Variants in TUFT1 observed in about 807,000 individuals in gnomAD.
TUFT1 encodes the protein tuftelin.
TUFT1 carries 43 observed loss-of-function variants against 57.8 expected under a neutral mutation model. The observed-to-expected ratio is 0.74, with a 90% CI of 0.58 to 0.96. The LOEUF (loss-of-function observed/expected upper bound fraction) is 0.96. TUFT1 is among the 40% of genes least tolerant of loss of function. TUFT1 has a pLI of 0.00. For missense variants in TUFT1, 459 were observed against 489.0 expected (o/e 0.94, Z 0.58); for synonymous variants, 166 against 176.7 (o/e 0.94, Z 0.48).
chr1:151,573,107 ATTATT>A (rs201151431), intron 7 of TUFT1, among the ~76,000 whole-genome samples: 1,901 of 152,282 alleles, frequency 0.012, 50 homozygotes, highest in African/African-American at 0.043. Flanking sequence ...AGTTCCACTC[ATTATT>A]TTATTGAGTA....
rs1022373811 is a variant in TUFT1 at position 151,557,579 on chromosome 1, T to C, written c.61-4512T>C. ...AAGGATGTGCCCAATCTTCATGTCATGAAGGCCATGCAGCCTCTCAAGTCC... is the reference window on the plus strand; with the variant it reads ...AAGGATGTGCCCAATCTTCATGTCACGAAGGCCATGCAGCCTCTCAAGTCC... On this transcript the variant is annotated intron_variant, in intron 1 of 12. Coordinates refer to ENST00000368849, the MANE Select transcript of TUFT1 (RefSeq NM_020127.3). The C allele has an allele frequency of 3.4e-5, 38 of 1,112,854 alleles. No individual in the cohort carries two copies. In the South Asian group the frequency reaches 4.0e-4, roughly 12 times the overall value. The allele number at this position is 1,112,854 out of a possible 1,614,324, so 68.9% of individuals were successfully genotyped here.
At chr1:151,561,293 C>T (rs959092090) in intron 1 of TUFT1, among the ~76,000 whole-genome samples, 3 of 151,984 alleles carry the variant, frequency 2.0e-5, no homozygotes, top group Non-Finnish European at 2.9e-5. Flanking sequence ...CCACCGTGCC[C>T]GGCCTTTTTA....
At chr1:151,553,770 A>G (rs1665585388) in intron 1 of TUFT1, among the ~76,000 whole-genome samples, 1 of 152,026 alleles carries the variant, frequency 6.6e-6, no homozygotes, top group Non-Finnish European at 1.5e-5. Context: ...CAATCCCAGC[A>G]TCAGTGTCTC....
intron 9 of TUFT1, among the ~76,000 whole-genome samples, chr1:151,576,892 T>G (rs969722585): frequency 6.6e-6 from 1 of 152,214 alleles, no homozygotes; most frequent in Admixed American, 6.5e-5. Flanking sequence ...CCCAAAGTGC[T>G]GGGATTACAG....
chr1:151,567,292 T>G (rs554131532), intron 6 of TUFT1, among the ~76,000 whole-genome samples: 189 of 152,262 alleles, frequency 1.2e-3, no homozygotes, highest in African/African-American at 4.5e-3. Context: ...TGGCTCATTA[T>G]ATTCTCAACC....
intron 8 of TUFT1, among the ~76,000 whole-genome samples, 184 bp from the exon 9 acceptor site, chr1:151,574,727 A>G (rs1168656057): frequency 6.6e-6 from 1 of 152,154 alleles, no homozygotes; most frequent in Non-Finnish European, 1.5e-5. Flanking sequence ...GGTGAGGCTG[A>G]GTGAGAGTGG....
At chr1:151,557,824 A>AG in intron 1 of TUFT1, 1 of 752,938 alleles carries the variant, frequency 1.3e-6, no homozygotes, top group South Asian at 1.3e-5. Context: ...GATAACCTAC[A>AG]GACGGAGTGC....
At chr1:151,577,637 A>G (rs546531036) in intron 9 of TUFT1, among the ~76,000 whole-genome samples, 191 of 152,300 alleles carry the variant, frequency 1.3e-3, no homozygotes, top group African/African-American at 4.5e-3. Flanking sequence ...GGAGACCTAG[A>G]AACAAAATTG....
intron 1 of TUFT1, among the ~76,000 whole-genome samples, chr1:151,544,270 T>G (rs1202892896): frequency 6.6e-6 from 1 of 151,962 alleles, no homozygotes; most frequent in Non-Finnish European, 1.5e-5. Flanking sequence ...TGTGCACCAC[T>G]GCACCTGGCC....
rs779223338 is a variant in TUFT1, at chr1:151,562,090, G to C, written c.61-1G>C. 6.2e-7 allele frequency: 1 copy of C among 1,613,998 alleles called. No individual in the cohort carries two copies. The highest frequency in any genetic ancestry group is 1.1e-5 in the South Asian group (1 of 91,070). ...ATTGTTGCTGTCATTGTCATTATTA[G>C]GGCAGCGTGGACATTCTCAGGCTGA... On this transcript the variant is annotated splice_acceptor_variant, in intron 1 of 12. Coordinates refer to ENST00000368849, the MANE Select transcript of TUFT1 (RefSeq NM_020127.3). LOFTEE classifies it high-confidence loss of function.
intron 1 of TUFT1, among the ~76,000 whole-genome samples, chr1:151,548,852 G>T (rs777723323): frequency 1.7e-4 from 26 of 152,192 alleles, no homozygotes; most frequent in Non-Finnish European, 3.1e-4. Context: ...CCTGGGGAGT[G>T]AGAGCTGGGG....
chr1:151,541,213 A>AG (rs1030663867), intron 1 of TUFT1, among the ~76,000 whole-genome samples: 53 of 152,274 alleles, frequency 3.5e-4, no homozygotes, highest in African/African-American at 1.3e-3. Context: ...AGGGGAGGGA[A>AG]GTGACCCAAG....
chr1:151,579,582 G>A, intron 10 of TUFT1, 67 bp from the exon 11 acceptor site: 2 of 1,543,926 alleles, frequency 1.3e-6, no homozygotes, highest in Admixed American at 3.5e-5. Context: ...AGCAGCTGGG[G>A]TGAAGTCTGG....
chr1:151,580,432 G>A (rs982463856), intron 11 of TUFT1, among the ~76,000 whole-genome samples: 7 of 152,010 alleles, frequency 4.6e-5, no homozygotes, highest in Non-Finnish European at 1.0e-4. Context: ...AGGTTGAGGC[G>A]GTAGGATTGC....
intron 12 of TUFT1, 97 bp downstream of exon 12, chr1:151,581,139 T>G: frequency 8.8e-7 from 1 of 1,138,702 alleles, no homozygotes; most frequent in Non-Finnish European, 1.3e-6. Context: ...AGAACAAGGC[T>G]CCTTTAAATC....
intron 1 of TUFT1, among the ~76,000 whole-genome samples, chr1:151,556,791 G>A (rs1665712797): frequency 6.6e-6 from 1 of 152,108 alleles, no homozygotes; most frequent in Admixed American, 6.5e-5. Flanking sequence ...CCAACATGGT[G>A]AAGCCCCCTC....
intron 1 of TUFT1, among the ~76,000 whole-genome samples, chr1:151,548,257 T>C (rs570476894): frequency 3.9e-4 from 60 of 152,218 alleles, no homozygotes; most frequent in Non-Finnish European, 6.2e-4. Context: ...TGGGTGCCAT[T>C]GTTACAAGGG....
intron 5 of TUFT1, chr1:151,565,889 C>G (rs111505287): frequency 8.8e-6 from 3 of 340,390 alleles, no homozygotes; most frequent in African/African-American, 2.1e-5. Flanking sequence ...CTTTCAAGGC[C>G]GCATAACATC....
intron 1 of TUFT1, among the ~76,000 whole-genome samples, chr1:151,555,295 T>A (rs1363548851): frequency 1.3e-5 from 2 of 149,300 alleles, no homozygotes; most frequent in Non-Finnish European, 3.0e-5. Flanking sequence ...TGCCATTGCA[T>A]TCCAGCCTGG....
Sources: gnomAD v4.1 joint callset for allele counts (sites outside exome capture counted in the v4.1 genomes callset) on GRCh38, gnomAD v4.1.1 for gene constraint, MANE v1.5 for transcripts, NCBI Gene and HGNC (gene_info 2026-07-23, HGNC 2026-07-21) for gene names.